Variants in DENND4A observed in about 807,000 individuals in gnomAD.
DENND4A encodes the protein C-myc promoter-binding protein.
A neutral mutation model predicts 199.3 loss-of-function variants in DENND4A; 70 were observed. The observed-to-expected ratio is 0.35, with a 90% confidence interval of 0.29 to 0.43. The LOEUF (loss-of-function observed/expected upper bound fraction) is 0.43, where lower values mean the gene tolerates loss of function less well. Among genes scored for constraint, DENND4A ranks in the 20% least tolerant of loss-of-function variants. The pLI is 1.00. For synonymous variants in DENND4A, 686 were observed against 766.9 expected (o/e 0.89, Z 1.74); for missense variants, 1,723 against 2,255.8 (o/e 0.76, Z 4.78).
At chr15:65,760,021 AATT>A (rs1464196586) in intron 2 of DENND4A, among the ~76,000 whole-genome samples, 1 of 152,176 alleles carries the variant, frequency 6.6e-6, no homozygotes, top group Non-Finnish European at 1.5e-5. Context: ...GTTGAAATAG[AATT>A]ATTAGGTCAA....
At chr15:65,788,177 C>T (rs569723369) in intron 1 of DENND4A, among the ~76,000 whole-genome samples, 19 of 151,858 alleles carry the variant, frequency 1.3e-4, no homozygotes, top group Non-Finnish European at 2.2e-4. Flanking sequence ...CCCAGGTTCA[C>T]GCCATTCTCC....
intron 19 of DENND4A, 100 bp from the exon 20 acceptor site, chr15:65,700,775 A>C: frequency 8.0e-7 from 1 of 1,256,624 alleles, no homozygotes; most frequent in Non-Finnish European, 1.1e-6. Context: ...ACTGAACATG[A>C]AAAGTGCCAC....
intron 7 of DENND4A, 122 bp downstream of exon 7, chr15:65,737,585 C>A: frequency 1.0e-6 from 1 of 1,004,990 alleles, no homozygotes; most frequent in South Asian, 1.8e-5. Context: ...TGAAATAAAC[C>A]ATTTTTTTCA....
intron 11 of DENND4A, chr15:65,727,807 C>A: frequency 2.5e-6 from 1 of 394,820 alleles, no homozygotes; most frequent in Non-Finnish European, 4.9e-6. Flanking sequence ...AAATAAGGGA[C>A]ACAAAACAAT....
chr15:65,741,618 T>C, intron 5 of DENND4A, 97 bp downstream of exon 5: 1 of 906,010 alleles, frequency 1.1e-6, no homozygotes, highest in Non-Finnish European at 1.7e-6. Context: ...GTCCCAGTCC[T>C]GATACTAACA....
chr15:65,736,547 T>G (rs576258762), intron 7 of DENND4A, among the ~76,000 whole-genome samples: 2 of 152,096 alleles, frequency 1.3e-5, no homozygotes, highest in East Asian at 3.9e-4. Flanking sequence ...ATTACAGGTG[T>G]GAGCCACCAC....
chr15:65,689,904 G>C (rs968461879), intron 23 of DENND4A, among the ~76,000 whole-genome samples: 1 of 152,140 alleles, frequency 6.6e-6, no homozygotes, highest in Non-Finnish European at 1.5e-5. Flanking sequence ...TAGAACTTCA[G>C]CTCACCTCTC....
rs2077299443 is a variant in DENND4A, at chr15:65,776,949, C to T, written c.-102+15061G>A. On this transcript the variant is annotated intron_variant, in intron 1 of 32. Transcript: ENST00000443035. Reference sequence around the variant, plus strand: ...TTGGAAGGACGAGGCAGGAGGATCACTTGAGGCCAGGAGTTCGAGGCCAGC... The same window carrying T: ...TTGGAAGGACGAGGCAGGAGGATCATTTGAGGCCAGGAGTTCGAGGCCAGC... 5.3e-5 allele frequency among the ~76,000 whole-genome samples: 8 copies of T among 152,206 alleles called. No individual in the cohort carries two copies. The South Asian group carries it at 1.7e-3, about 32-fold the overall frequency.
At chr15:65,720,704 G>A (rs1176883542) in intron 12 of DENND4A, among the ~76,000 whole-genome samples, 2 of 151,166 alleles carry the variant, frequency 1.3e-5, no homozygotes, top group Non-Finnish European at 1.5e-5. Flanking sequence ...GAGCCACTAC[G>A]CCCAGTCAAG....
At chr15:65,729,769 A>C in intron 9 of DENND4A, 91 bp from the exon 10 acceptor site, 1 of 1,189,146 alleles carries the variant, frequency 8.4e-7, no homozygotes, top group South Asian at 1.6e-5. Flanking sequence ...TGATTAGAGT[A>C]GGATTTGTAT....
At chr15:65,755,168 C>A (rs1264162463) in intron 3 of DENND4A, among the ~76,000 whole-genome samples, 1 of 152,118 alleles carries the variant, frequency 6.6e-6, no homozygotes, top group Admixed American at 6.5e-5. Flanking sequence ...TAGTATGATT[C>A]TATTTATATG....
At chr15:65,693,271 T>C (rs2077035524) in intron 22 of DENND4A, among the ~76,000 whole-genome samples, 1 of 152,088 alleles carries the variant, frequency 6.6e-6, no homozygotes, top group South Asian at 2.1e-4. Flanking sequence ...AAAAAAGAAA[T>C]AGATATGGCT....
chr15:65,763,825 A>G (rs1311803476), intron 1 of DENND4A, among the ~76,000 whole-genome samples: 3 of 152,128 alleles, frequency 2.0e-5, no homozygotes, highest in Non-Finnish European at 4.4e-5. Flanking sequence ...TAAAATGAGG[A>G]TGCCAAAAGT....
chr15:65,784,474 G>A (rs1302909370), intron 1 of DENND4A, among the ~76,000 whole-genome samples: 1 of 151,694 alleles, frequency 6.6e-6, no homozygotes, highest in Non-Finnish European at 1.5e-5. Context: ...AAAAAATAGG[G>A]GAAACTGGGT....
chr15:65,749,855 C>G (rs145476556), intron 4 of DENND4A, among the ~76,000 whole-genome samples: 8 of 152,202 alleles, frequency 5.3e-5, no homozygotes, highest in Admixed American at 1.3e-4. Context: ...ACAATTATTT[C>G]AACACTTTCA....
At chr15:65,677,412 G>A (rs969028447) in intron 23 of DENND4A, among the ~76,000 whole-genome samples, 7 of 151,772 alleles carry the variant, frequency 4.6e-5, no homozygotes, top group African/African-American at 1.7e-4. Context: ...GTTTCGCTAT[G>A]CTGGCCAGGC....
At chr15:65,703,403 G>A (rs1332863869) in intron 15 of DENND4A, among the ~76,000 whole-genome samples, 1 of 152,190 alleles carries the variant, frequency 6.6e-6, no homozygotes, top group Non-Finnish European at 1.5e-5. Flanking sequence ...AATCATTAAT[G>A]TCATTGCTTT....
intron 32 of DENND4A, among the ~76,000 whole-genome samples, chr15:65,662,565 T>C (rs1337723432): frequency 1.3e-5 from 2 of 152,182 alleles, no homozygotes; most frequent in Non-Finnish European, 2.9e-5. Flanking sequence ...TGTGTGCCTT[T>C]TCCCCAGAAG....
intron 24 of DENND4A, among the ~76,000 whole-genome samples, chr15:65,674,297 A>G (rs1030275047): frequency 1.3e-5 from 2 of 152,204 alleles, no homozygotes; most frequent in African/African-American, 4.8e-5. Context: ...TTGAGCCCAT[A>G]AAGTGTTCAA....
Sources: gnomAD v4.1 joint callset for allele counts (sites outside exome capture counted in the v4.1 genomes callset) on GRCh38, gnomAD v4.1.1 for gene constraint, MANE v1.5 for transcripts, NCBI Gene and HGNC (gene_info 2026-07-23, HGNC 2026-07-21) for gene names.